The following PTK2 variants were observed in gnomAD, a reference collection of about 807,000 sequenced individuals.
The protein encoded by PTK2 is focal adhesion kinase 1.
Under a neutral mutation model 150.1 loss-of-function variants are expected in PTK2, and 45 were observed. The observed-to-expected ratio is 0.30, with a 90% CI of 0.24 to 0.38. The LOEUF is 0.38. Among genes scored for constraint, PTK2 ranks in the 10% least tolerant of loss-of-function variants. PTK2 has a pLI of 1.00. For missense variants in PTK2, 919 were observed against 1,307.3 expected (o/e 0.70, Z 4.58); for synonymous variants, 432 against 449.2 (o/e 0.96, Z 0.48).
At chr8:140,777,068 T>C (rs1482800440) in intron 14 of PTK2, among the ~76,000 whole-genome samples, 2 of 152,152 alleles carry the variant, frequency 1.3e-5, no homozygotes, top group Non-Finnish European at 2.9e-5. Flanking sequence ...GAAACCACAG[T>C]GGGTGATGTG....
chr8:140,886,168 C>T (rs997667696), intron 3 of PTK2, among the ~76,000 whole-genome samples: 4 of 152,092 alleles, frequency 2.6e-5, no homozygotes, highest in Admixed American at 1.3e-4. Context: ...GAATAAAAGA[C>T]GATTGCAAAT....
At chr8:140,850,402 G>C (rs2100128470) in intron 5 of PTK2, among the ~76,000 whole-genome samples, 1 of 151,578 alleles carries the variant, frequency 6.6e-6, no homozygotes, top group Non-Finnish European at 1.5e-5. Flanking sequence ...CTCCAGCCTG[G>C]GGGCCAACAG....
chr8:140,954,845 AG>A (rs2100180705), intron 1 of PTK2: 1 of 151,912 alleles, frequency 6.6e-6, no homozygotes, highest in African/African-American at 2.4e-5. Flanking sequence ...AGAACCTGAA[AG>A]ACTATATATA....
chr8:140,877,636 C>T (rs563164690), intron 4 of PTK2, among the ~76,000 whole-genome samples: 4 of 151,774 alleles, frequency 2.6e-5, no homozygotes, highest in East Asian at 1.9e-4. Flanking sequence ...CCACTTATGA[C>T]GACAAGGCAT....
At position 140,819,119 on chromosome 8, in the gene PTK2, C is replaced by T. The variant is rs1405816933; in HGVS notation, c.649-99G>A. 3.4e-6 allele frequency: 4 copies of T among 1,177,140 alleles called. No homozygotes were observed. In the African/African-American group the frequency reaches 6.3e-5, roughly 18 times the overall value. The allele number at this position is 1,177,140 out of a possible 1,614,324, so 72.9% of individuals were successfully genotyped here. A position where few individuals can be genotyped will look rare whatever the true frequency, so the allele number is the denominator to read the frequency against. On this transcript the variant is annotated intron_variant, in intron 8 of 31. Transcript: ENST00000522684. The stretch of plus-strand genomic sequence containing the variant: ...TTCTTTCCTACCAACTACTTACTAA[C>T]ACCTACATTCAAATTACTGCCAAAA...
At chr8:140,820,400 C>G (rs1328955581) in intron 8 of PTK2, among the ~76,000 whole-genome samples, 2 of 151,912 alleles carry the variant, frequency 1.3e-5, no homozygotes, top group Non-Finnish European at 1.5e-5. Context: ...CGCACCCGGC[C>G]TGAATTATGT....
At chr8:140,741,321 G>C (rs555268688) in intron 20 of PTK2, among the ~76,000 whole-genome samples, 1 of 151,658 alleles carries the variant, frequency 6.6e-6, no homozygotes, top group Admixed American at 6.6e-5. Flanking sequence ...CGGGCGTGGT[G>C]GTGGGCACCT....
At chr8:140,731,016 T>A (rs1439092302) in intron 22 of PTK2, among the ~76,000 whole-genome samples, 2 of 129,758 alleles carry the variant, frequency 1.5e-5, no homozygotes, top group Non-Finnish European at 1.6e-5. Context: ...TGGAGTGCAA[T>A]GGCGCAATAC....
At chr8:140,832,606 A>AG (rs1182086554) in intron 7 of PTK2, among the ~76,000 whole-genome samples, 2 of 152,150 alleles carry the variant, frequency 1.3e-5, no homozygotes. Flanking sequence ...TTTACTGCAG[A>AG]GGGAGGCATG....
intron 10 of PTK2, among the ~76,000 whole-genome samples, chr8:140,812,507 C>A (rs1327089420): frequency 1.3e-5 from 2 of 152,168 alleles, no homozygotes; most frequent in Non-Finnish European, 2.9e-5. Flanking sequence ...CAAGCTAACA[C>A]CATGATGGCA....
upstream of PTK2, chr8:141,001,303 C>A (rs1039354473): frequency 6.8e-6 from 1 of 147,398 alleles, no homozygotes; most frequent in East Asian, 2.0e-4. Context: ...CGCGGGCCCG[C>A]GCGCGTGCGC....
chr8:140,735,508 T>C, intron 21 of PTK2, 53 bp from the exon 25 acceptor site: 1 of 1,565,946 alleles, frequency 6.4e-7, no homozygotes, highest in South Asian at 1.1e-5. Context: ...AGAATGTAAC[T>C]CCCAGGTTCC....
At chr8:140,680,711 C>T (rs191984910) in intron 27 of PTK2, among the ~76,000 whole-genome samples, 24 of 152,276 alleles carry the variant, frequency 1.6e-4, no homozygotes, top group Admixed American at 5.9e-4. Flanking sequence ...GGACCAACTG[C>T]TTTTTATGCA....
chr8:140,900,944 T>C (rs1226576820), intron 2 of PTK2, among the ~76,000 whole-genome samples: 4 of 151,480 alleles, frequency 2.6e-5, no homozygotes, highest in African/African-American at 9.7e-5. Context: ...AGACCCTGAA[T>C]AGCCAAAGCA....
intron 21 of PTK2, among the ~76,000 whole-genome samples, chr8:140,736,913 A>G (rs915905141): frequency 2.6e-5 from 4 of 152,224 alleles, no homozygotes; most frequent in Non-Finnish European, 5.9e-5. Context: ...CCTAGAATGA[A>G]ATCTGCCTCA....
At chr8:140,710,261 T>C (rs989722599) in intron 23 of PTK2, among the ~76,000 whole-genome samples, 1 of 147,046 alleles carries the variant, frequency 6.8e-6, no homozygotes, top group Non-Finnish European at 1.5e-5. Flanking sequence ...GCCCAGGAAG[T>C]GGAGGTTGCA....
At chr8:140,710,152 G>A (rs924210790) in intron 23 of PTK2, among the ~76,000 whole-genome samples, 3 of 151,118 alleles carry the variant, frequency 2.0e-5, no homozygotes, top group African/African-American at 7.3e-5. Context: ...AATATGAGAA[G>A]ATTTTCATAT....
chr8:140,924,593 G>A (rs1207919420), intron 2 of PTK2, among the ~76,000 whole-genome samples: 1 of 152,042 alleles, frequency 6.6e-6, no homozygotes, highest in East Asian at 1.9e-4. Flanking sequence ...GTATATGCTG[G>A]ACGTCAGTGA....
At chr8:140,779,241 G>A (rs1299393911) in intron 14 of PTK2, among the ~76,000 whole-genome samples, 1 of 133,092 alleles carries the variant, frequency 7.5e-6, no homozygotes, top group East Asian at 2.8e-4. Flanking sequence ...CAGCCTGGGC[G>A]ATGGAAAAAA....
Sources: gnomAD v4.1 joint callset for allele counts (sites outside exome capture counted in the v4.1 genomes callset) on GRCh38, gnomAD v4.1.1 for gene constraint, MANE v1.5 for transcripts, NCBI Gene and HGNC (gene_info 2026-07-23, HGNC 2026-07-21) for gene names.